Variants in ATP6V1C2 observed in about 807,000 individuals in gnomAD.
ATP6V1C2 encodes ATPase H+ transporting V1 subunit C2.
ATP6V1C2 carries 45 observed loss-of-function variants against 56.8 expected under a neutral mutation model. The ratio of observed to expected loss-of-function variants is 0.79; its 90% CI spans 0.62 to 1.02. The LOEUF (loss-of-function observed/expected upper bound fraction) is 1.02. Ranked by LOEUF, ATP6V1C2 falls within the 50% of genes least tolerant of loss-of-function variation. The pLI is 0.00. For synonymous variants in ATP6V1C2, 220 were observed against 201.3 expected, an observed-to-expected ratio of 1.09 and a Z score of -0.79; for missense variants, 463 against 519.7, an observed-to-expected ratio of 0.89 and a Z score of 1.06.
intron 3 of ATP6V1C2, among the ~76,000 whole-genome samples, chr2:10,753,227 G>A (rs1207078225): frequency 6.6e-6 from 1 of 152,174 alleles, no homozygotes; most frequent in Non-Finnish European, 1.5e-5. Flanking sequence ...CATAGCCAGT[G>A]CCCATACTGC....
intron 3 of ATP6V1C2, among the ~76,000 whole-genome samples, chr2:10,731,700 G>T (rs777883168): frequency 3.9e-5 from 6 of 152,184 alleles, no homozygotes; most frequent in East Asian, 1.9e-4. Flanking sequence ...TGGGCCAAGC[G>T]CAGTAGCTCA....
intron 12 of ATP6V1C2, among the ~76,000 whole-genome samples, 176 bp from the exon 13 acceptor site, chr2:10,782,067 G>C (rs543095094): frequency 7.3e-5 from 11 of 151,656 alleles, no homozygotes; most frequent in South Asian, 2.1e-4. Context: ...GCAAATTCTA[G>C]AGCTTTTTCT....
chr2:10,722,203 G>A (rs62128971), intron 1 of ATP6V1C2, among the ~76,000 whole-genome samples: 51,850 of 151,950 alleles, frequency 0.34, 9,660 homozygotes, highest in East Asian at 0.64. Context: ...ACGCGGCCGC[G>A]AAACCACCGG....
chr2:10,776,562 C>T (rs1665002207), intron 10 of ATP6V1C2, among the ~76,000 whole-genome samples: 1 of 152,188 alleles, frequency 6.6e-6, no homozygotes, highest in Non-Finnish European at 1.5e-5. Context: ...CACCTGAAAC[C>T]CTCGCTACCT....
chr2:10,772,153 AG>A (rs1664655824), intron 7 of ATP6V1C2, among the ~76,000 whole-genome samples: 1 of 152,130 alleles, frequency 6.6e-6, no homozygotes, highest in Admixed American at 6.5e-5. Context: ...CCATTTATTG[AG>A]CACTTGCTAT....
chr2:10,779,021 C>T (rs7598910), intron 12 of ATP6V1C2, among the ~76,000 whole-genome samples: 4,490 of 152,224 alleles, frequency 0.029, 230 homozygotes, highest in African/African-American at 0.1. Context: ...GGGCTGCCTC[C>T]GTCCTCAGCC....
chr2:10,778,521 G>A (rs756370274), intron 11 of ATP6V1C2, 51 bp from the exon 12 acceptor site: 3 of 1,560,528 alleles, frequency 1.9e-6, no homozygotes, highest in African/African-American at 1.4e-5. Context: ...TCTTGGCTCT[G>A]TGTCAGGCGG....
rs1664696029 is a variant in ATP6V1C2 at position 10,772,622 on chromosome 2, C to A, written c.638+12C>A. The stretch of plus-strand genomic sequence containing the variant: ...CCTCGATCAACCAAGTAAGTGAGAC[C>A]CCAGCTTGGTCCCAGGGCCCCTGGG... On this transcript the variant is annotated intron_variant, in intron 8 of 13. Transcript: ENST00000272238. 5 of 1,611,808 alleles carry A rather than the reference C, an allele frequency of 3.1e-6. No homozygotes were observed. The highest frequency in any genetic ancestry group is 4.2e-6 in the Non-Finnish European group (5 of 1,177,920).
At position 10,782,330 on chromosome 2, in the gene ATP6V1C2, T is replaced by C. The variant is rs141097936; in HGVS notation, c.1149T>C (p.Ser383=). The change falls in exon 13 of 14, where the codon TCT becomes TCC. Residue 383 remains serine, a synonymous_variant. Transcript: ENST00000272238. ...AGCGTTTAAGAGAGGTTCTAAACTC[T>C]GTCTTCCGACATCTGGATGAAGTAG... ...STKRLREVLN[S]VFRHLDEVAA... is the part of the protein sequence containing the mutation. 141 of 1,614,108 alleles carry C rather than the reference T, an allele frequency of 8.7e-5. No homozygotes were observed. Among genetic ancestry groups the C allele is most frequent in the Non-Finnish European group, 1.2e-4 (138 of 1,180,036 alleles).
In ATP6V1C2 at chr2:10,784,709, A is replaced by G. The variant is rs139418261; in HGVS notation, c.*1446A>G. 1 of 545,822 alleles carries G rather than the reference A, an allele frequency of 1.8e-6. No homozygotes were observed. Among genetic ancestry groups the G allele is most frequent in the East Asian group, 3.0e-5 (1 of 33,332 alleles). The allele number at this position is 545,822 out of a possible 1,614,324, so 33.8% of individuals were successfully genotyped here. On this transcript the variant is annotated 3_prime_UTR_variant, in exon 14 of 14. Coordinates refer to ENST00000272238, the MANE Select transcript of ATP6V1C2 (RefSeq NM_001039362.2). ...AGGTAATAATCAGGAAAGCAACCTT[A>G]CTACTGAAATGTATCTTGGCTGTCA...
At chr2:10,758,014 G>T (rs1002063821) in intron 4 of ATP6V1C2, among the ~76,000 whole-genome samples, 3 of 152,210 alleles carry the variant, frequency 2.0e-5, no homozygotes, top group African/African-American at 7.2e-5. Flanking sequence ...ATTTTAGGTT[G>T]CATAAGAATC....
At chr2:10,782,192 C>T in intron 12 of ATP6V1C2, 51 bp from the exon 13 acceptor site, 2 of 1,605,782 alleles carry the variant, frequency 1.2e-6, no homozygotes, top group Middle Eastern at 1.7e-4. Context: ...TTCCTTCTAT[C>T]CGTGTTTGCA....
chr2:10,755,355 TA>T, intron 4 of ATP6V1C2, among the ~76,000 whole-genome samples: 1 of 152,218 alleles, frequency 6.6e-6, no homozygotes, highest in Non-Finnish European at 1.5e-5. Flanking sequence ...TAATATTTTT[TA>T]TTTTTTGTAG....
intron 1 of ATP6V1C2, among the ~76,000 whole-genome samples, chr2:10,722,577 G>C (rs1454168131): frequency 1.3e-5 from 2 of 152,124 alleles, no homozygotes; most frequent in East Asian, 3.9e-4. Context: ...AGAAAGAAAG[G>C]AACCTCTCCC....
At chr2:10,783,119 A>C (rs758589137) in intron 13 of ATP6V1C2, 55 bp from the exon 14 acceptor site, 2 of 1,424,236 alleles carry the variant, frequency 1.4e-6, no homozygotes, top group Admixed American at 1.7e-5. Context: ...AACTAAAAGG[A>C]TAAGACAGGA....
At chr2:10,726,328 A>G (rs1317742249) in intron 2 of ATP6V1C2, among the ~76,000 whole-genome samples, 174 bp from the exon 3 acceptor site, 3 of 152,198 alleles carry the variant, frequency 2.0e-5, no homozygotes, top group African/African-American at 7.2e-5. Context: ...AAGTAAATAA[A>G]GACACCCCCA....
intron 3 of ATP6V1C2, among the ~76,000 whole-genome samples, chr2:10,747,978 A>G (rs971880470): frequency 6.6e-6 from 1 of 152,078 alleles, no homozygotes; most frequent in Admixed American, 6.6e-5. Flanking sequence ...TTCCTGCCTC[A>G]GCCTCAAAGC....
At chr2:10,752,086 A>C (rs1050567030) in intron 3 of ATP6V1C2, among the ~76,000 whole-genome samples, 15 of 152,250 alleles carry the variant, frequency 9.9e-5, no homozygotes, top group Middle Eastern at 3.4e-3. Context: ...ACAACAACAA[A>C]AAAACCTTAA....
At chr2:10,729,820 C>T (rs974732558) in intron 3 of ATP6V1C2, among the ~76,000 whole-genome samples, 1 of 152,098 alleles carries the variant, frequency 6.6e-6, no homozygotes, top group Non-Finnish European at 1.5e-5. Flanking sequence ...GTGCCACTGC[C>T]CTCCAGCCTG....
Sources: gnomAD v4.1 joint callset for allele counts (sites outside exome capture counted in the v4.1 genomes callset) on GRCh38, gnomAD v4.1.1 for gene constraint, MANE v1.5 for transcripts, NCBI Gene and HGNC (gene_info 2026-07-23, HGNC 2026-07-21) for gene names.